SDK1: variants seen among roughly 807,000 people sequenced by gnomAD.
SDK1 encodes sidekick cell adhesion molecule 1.
A neutral mutation model predicts 245.5 loss-of-function variants in SDK1; 157 were observed. The observed-to-expected ratio is 0.64, with a 90% confidence interval of 0.56 to 0.73. The LOEUF (loss-of-function observed/expected upper bound fraction) is 0.73, where lower values mean the gene tolerates loss of function less well. Among genes scored for constraint, SDK1 ranks in the 30% least tolerant of loss-of-function variants. The pLI is 0.00. For synonymous variants in SDK1, 1,647 were observed against 1,278.5 expected, an observed-to-expected ratio of 1.29 and a Z score of -6.15; for missense variants, 3,583 against 3,002.3, an observed-to-expected ratio of 1.19 and a Z score of -4.52.
chr7:4,017,208 C>G lies in SDK1; in HGVS notation c.2458C>G (p.Arg820Gly). 1.2e-6 allele frequency: 2 copies of G among 1,613,478 alleles called. No individual in the cohort carries two copies. The highest frequency in any genetic ancestry group is 1.7e-6 in the Non-Finnish European group (2 of 1,179,664). Reference sequence around the variant, plus strand: ...TGGCCTTCCCGGAGAGTACCAGCAGCGGAACATCACCAGCCCGGAGGTGAA... The same window carrying G: ...TGGCCTTCCCGGAGAGTACCAGCAGGGGAACATCACCAGCCCGGAGGTGAA... The part of the protein sequence containing the change: ...LAGLPGEYQQ[R>G]NITSPEVNYC... The change falls in exon 17 of 45, where the codon CGG (arginine) becomes GGG (glycine). Residue 820 changes from arginine (R) to glycine (G), a missense_variant. By Grantham distance (125) the Arg-to-Gly change is moderately radical (BLOSUM62 -2). Coordinates refer to ENST00000404826, the MANE Select transcript of SDK1 (RefSeq NM_152744.4).
rs540890495 is a variant in SDK1, at chr7:3,563,939, C to A, written c.299-55141C>A. ...CCGCTTGTGGTTACAAATTAAATAA[C>A]ATATTTCTAAATAGCTATTGAATTA... On this transcript the variant is annotated intron_variant, in intron 1 of 44. Transcript: ENST00000404826. Among the ~76,000 whole-genome samples the A allele has an allele frequency of 2.0e-3, 303 of 152,062 alleles. 1 individual carries two copies. The highest frequency in any genetic ancestry group is 7.1e-3 in the African/African-American group (293 of 41,458).
intron 5 of SDK1, among the ~76,000 whole-genome samples, chr7:3,878,748 C>T (rs1781134830): frequency 6.6e-6 from 1 of 151,998 alleles, no homozygotes; most frequent in Non-Finnish European, 1.5e-5. Flanking sequence ...TCTCACCCAC[C>T]TTCTCATATT....
chr7:4,043,068 G>A (rs896965250), intron 17 of SDK1, among the ~76,000 whole-genome samples: 19 of 152,226 alleles, frequency 1.2e-4, no homozygotes, highest in Non-Finnish European at 2.4e-4. Context: ...CACAGGTCAG[G>A]CTCCGAATCT....
At chr7:4,222,424 A>G (rs973417021) in intron 40 of SDK1, among the ~76,000 whole-genome samples, 3 of 152,082 alleles carry the variant, frequency 2.0e-5, no homozygotes, top group Non-Finnish European at 4.4e-5. Context: ...CCTCCCGAGT[A>G]GCTGGGATTA....
At chr7:4,116,622 T>G (rs1330976878) in intron 25 of SDK1, among the ~76,000 whole-genome samples, 1 of 152,224 alleles carries the variant, frequency 6.6e-6, no homozygotes, top group Admixed American at 6.5e-5. Flanking sequence ...TGGTTAACTT[T>G]CAGCCACCAG....
intron 1 of SDK1, among the ~76,000 whole-genome samples, chr7:3,306,085 G>C (rs1779411153): frequency 6.6e-6 from 1 of 152,130 alleles, no homozygotes. Flanking sequence ...ATAAGGAGAG[G>C]GAAAAATGGG....
In SDK1 at chr7:4,074,901, T is replaced by C. The variant is rs1160175377; in HGVS notation, c.3011-2097T>C. ...CTCTCTCTCTGTATATATATATATA[T>C]ATATATATATATATATTTTTTTTTT... On this transcript the variant is annotated intron_variant, in intron 20 of 44. Transcript: ENST00000404826. Among the ~76,000 whole-genome samples, 3 of 83,332 alleles carry C rather than the reference T, an allele frequency of 3.6e-5. 1 individual carries two copies. Among genetic ancestry groups the C allele is most frequent in the African/African-American group, 2.3e-4 (3 of 12,804 alleles). The allele number at this position is 83,332 out of a possible 152,430, so 54.7% of individuals were successfully genotyped here.
At chr7:3,765,633 A>C (rs1466064116) in intron 4 of SDK1, among the ~76,000 whole-genome samples, 2 of 152,194 alleles carry the variant, frequency 1.3e-5, no homozygotes, top group Admixed American at 6.5e-5. Context: ...CATACTCATT[A>C]TACGAAGGTG....
chr7:4,155,732 G>A (rs1780688505), intron 30 of SDK1, among the ~76,000 whole-genome samples: 2 of 152,144 alleles, frequency 1.3e-5, no homozygotes, highest in Admixed American at 6.5e-5. Flanking sequence ...GAGAAACTTC[G>A]CAGATGGGGA....
Position 4,026,202 on chromosome 7 carries a change from C to T in SDK1, c.2602+8850C>T, listed in dbSNP as rs1156637192. Among the ~76,000 whole-genome samples the T allele has an allele frequency of 6.6e-6, 1 of 152,164 alleles. No individual in the cohort carries two copies. Among genetic ancestry groups the T allele is most frequent in the Non-Finnish European group, 1.5e-5 (1 of 68,022 alleles). On this transcript the variant is annotated intron_variant, in intron 17 of 44. Transcript: ENST00000404826. The surrounding 1 kb of genome is among the most constrained non-coding windows in gnomAD (Gnocchi z 4.1). Reference sequence around the variant, plus strand: ...GGAAGAGTGGAAGAGAAACCACAAACATGCAATTTTCAGATGCGGAGAATG... The same window carrying T: ...GGAAGAGTGGAAGAGAAACCACAAATATGCAATTTTCAGATGCGGAGAATG...
At chr7:4,246,582 C>A (rs1020635615) in intron 44 of SDK1, among the ~76,000 whole-genome samples, 1 of 152,168 alleles carries the variant, frequency 6.6e-6, no homozygotes, top group African/African-American at 2.4e-5. Flanking sequence ...TCCCCCTACA[C>A]CCTGCCAGCC....
chr7:3,716,153 T>C (rs1374825046), intron 4 of SDK1, among the ~76,000 whole-genome samples: 1 of 150,068 alleles, frequency 6.7e-6, no homozygotes, highest in Admixed American at 6.6e-5. Context: ...CCTGTGAGGC[T>C]GTAACCAAAG....
At chr7:3,781,069 C>T (rs928766234) in intron 4 of SDK1, among the ~76,000 whole-genome samples, 1 of 152,006 alleles carries the variant, frequency 6.6e-6, no homozygotes, top group Non-Finnish European at 1.5e-5. Context: ...GTCAAAAGCC[C>T]ACCTCATAGC....
chr7:3,830,117 A>G (rs895982453), intron 5 of SDK1, among the ~76,000 whole-genome samples: 10 of 152,144 alleles, frequency 6.6e-5, no homozygotes, highest in African/African-American at 2.4e-4. Flanking sequence ...ATTCCCAGAT[A>G]TTGACATCGA....
intron 3 of SDK1, 48 bp downstream of exon 3, chr7:3,639,158 G>C (rs772416574): frequency 1.9e-6 from 2 of 1,042,594 alleles, no homozygotes; most frequent in Admixed American, 2.1e-5. Flanking sequence ...ACAAAGTGTC[G>C]CTGGGGAGTC....
chr7:3,992,086 C>G (rs1262379776), intron 14 of SDK1, among the ~76,000 whole-genome samples: 1 of 152,214 alleles, frequency 6.6e-6, no homozygotes, highest in East Asian at 1.9e-4. Context: ...CCAGCTCCTC[C>G]TGGCAGGCTG....
intron 5 of SDK1, among the ~76,000 whole-genome samples, chr7:3,945,899 TAAAAAAAAAAAAAAAAA>T (rs754101246): frequency 4.4e-4 from 6 of 13,680 alleles, no homozygotes; most frequent in East Asian, 0.01. Flanking sequence ...ACTCTGTCTG[TAAAAAAAAAAAAAAAAA>T]AAAAAAAAAA....
intron 17 of SDK1, among the ~76,000 whole-genome samples, chr7:4,028,112 G>T (rs543599350): frequency 1.7e-3 from 259 of 152,290 alleles, no homozygotes; most frequent in Non-Finnish European, 3.0e-3. Context: ...TGGACCCACA[G>T]AATCAACATC....
At position 4,267,841 on chromosome 7, in the gene SDK1, G is replaced by A. The variant is rs960779257; in HGVS notation, c.*2457G>A. The A allele has an allele frequency of 3.0e-6, 3 of 985,636 alleles. No homozygotes were observed. The highest frequency in any genetic ancestry group is 3.6e-6 in the Non-Finnish European group (3 of 830,088). 61.1% of individuals were successfully genotyped at this position (985,636 alleles called of 1,614,324 possible). On this transcript the variant is annotated 3_prime_UTR_variant, in exon 45 of 45. Transcript: ENST00000404826. ...TACGCCGGCCTCCTGGCTGCTGCTGGACTGTGCTTAGGACAGCGCCCATGC... is the reference window on the plus strand; with the variant it reads ...TACGCCGGCCTCCTGGCTGCTGCTGAACTGTGCTTAGGACAGCGCCCATGC...
Sources: gnomAD v4.1 joint callset for allele counts (sites outside exome capture counted in the v4.1 genomes callset) on GRCh38, gnomAD v4.1.1 for gene constraint, Gnocchi (gnomAD v3.1) non-coding constraint, MANE v1.5 for transcripts, NCBI Gene and HGNC (gene_info 2026-07-23, HGNC 2026-07-21) for gene names.